SLC36A1: variants seen among roughly 807,000 people sequenced by gnomAD.
The protein encoded by SLC36A1 is solute carrier family 36 member 1.
In SLC36A1, 30 loss-of-function variants were observed where a neutral mutation model predicts 47.5. That is an observed-to-expected ratio of 0.63 (90% confidence interval 0.47 to 0.86). The LOEUF is 0.86. SLC36A1 is among the 40% of genes least tolerant of loss of function. The pLI is 0.00. For missense variants in SLC36A1, 517 were observed against 606.0 expected (o/e 0.85, Z 1.54); for synonymous variants, 255 against 249.7 (o/e 1.02, Z -0.20).
the SLC36A1 span, chr5:151,543,662 C>G: frequency 6.2e-7 from 1 of 1,614,204 alleles, no homozygotes; most frequent in South Asian, 1.1e-5. Context: ...TCTGCTAATT[C>G]TGCCTCATAA....
At chr5:151,432,426 T>A (rs1482699631), upstream of SLC36A1, among the ~76,000 whole-genome samples, 1 of 152,158 alleles carries the variant, frequency 6.6e-6, no homozygotes, top group East Asian at 1.9e-4. Flanking sequence ...CTGCTGTTTT[T>A]GCAGGCCTCT....
chr5:151,534,970 AATATAT>A, the SLC36A1 span, among the ~76,000 whole-genome samples: 3,977 of 106,416 alleles, frequency 0.037, 251 homozygotes, highest in Admixed American at 0.084. Context: ...CTTCTAGGAA[AATATAT>A]ATATATATAT....
chr5:151,409,233 CAA>C, the SLC36A1 span, among the ~76,000 whole-genome samples: 1 of 152,050 alleles, frequency 6.6e-6, no homozygotes, highest in African/African-American at 2.4e-5. Context: ...CTCCTGGGCT[CAA>C]ATGATCCACC....
At chr5:151,534,600 T>C in the SLC36A1 span, 1 of 1,613,962 alleles carries the variant, frequency 6.2e-7, no homozygotes, top group Non-Finnish European at 8.5e-7. Flanking sequence ...GTTGAACACA[T>C]CCTTCCTTTC....
the SLC36A1 span, among the ~76,000 whole-genome samples, chr5:151,408,982 C>T: frequency 4.8e-5 from 7 of 144,768 alleles, no homozygotes; most frequent in African/African-American, 2.6e-5. Flanking sequence ...TTTTTTTTTT[C>T]TTTTCTTTTC....
At chr5:151,417,724 T>C in the SLC36A1 span, among the ~76,000 whole-genome samples, 2 of 152,216 alleles carry the variant, frequency 1.3e-5, no homozygotes, top group Admixed American at 6.5e-5. Flanking sequence ...TCAGAAAATT[T>C]GCAACATGAC....
In SLC36A1 at chr5:151,463,660, G is replaced by C; in HGVS notation, c.234+17G>C. The C allele has an allele frequency of 6.3e-7, 1 of 1,598,080 alleles. No homozygotes were observed. Among genetic ancestry groups the C allele is most frequent in the Non-Finnish European group, 8.6e-7 (1 of 1,165,580 alleles). On this transcript the variant is annotated intron_variant, in intron 3 of 10. Coordinates refer to ENST00000243389, the MANE Select transcript of SLC36A1 (RefSeq NM_078483.4). The stretch of plus-strand genomic sequence containing the variant: ...GGCATCGTGGTAAGGGTCTGCATCA[G>C]TGGAGAGGAGTGGTGACAAATTTTA...
At chr5:151,481,009 A>G (rs1016924935) in intron 10 of SLC36A1, among the ~76,000 whole-genome samples, 1 of 152,174 alleles carries the variant, frequency 6.6e-6, no homozygotes, top group Non-Finnish European at 1.5e-5. Flanking sequence ...CTCCCTGCCC[A>G]ATTTTCCCCT....
chr5:151,517,605 C>T, the SLC36A1 span: 2 of 1,613,668 alleles, frequency 1.2e-6, no homozygotes, highest in Non-Finnish European at 8.5e-7. Context: ...ATCTCTCAGG[C>T]TGGCAGTGCC....
chr5:151,397,161 T>C, the SLC36A1 span, among the ~76,000 whole-genome samples: 1 of 152,200 alleles, frequency 6.6e-6, no homozygotes, highest in African/African-American at 2.4e-5. Context: ...CTGCACATGA[T>C]CGTTATACCA....
chr5:151,497,779 A>G, the SLC36A1 span, among the ~76,000 whole-genome samples: 1 of 152,100 alleles, frequency 6.6e-6, no homozygotes, highest in African/African-American at 2.4e-5. Context: ...ACTAGATGTC[A>G]GTTGCACCCT....
At chr5:151,365,076 G>A in the SLC36A1 span, among the ~76,000 whole-genome samples, 1 of 152,136 alleles carries the variant, frequency 6.6e-6, no homozygotes, top group Non-Finnish European at 1.5e-5. Context: ...CCTGGAGTTG[G>A]GGTAGAGTCT....
chr5:151,539,696 A>G, the SLC36A1 span, among the ~76,000 whole-genome samples: 358 of 152,354 alleles, frequency 2.3e-3, 2 homozygotes, highest in African/African-American at 8.2e-3. Flanking sequence ...CCCAAAGTTA[A>G]AAACTACTTA....
the SLC36A1 span, chr5:151,510,275 A>G: frequency 7.4e-7 from 1 of 1,350,144 alleles, no homozygotes; most frequent in Non-Finnish European, 1.0e-6. Context: ...TTCAGTTACC[A>G]TTTATTTATT....
chr5:151,429,998 G>A, the SLC36A1 span, among the ~76,000 whole-genome samples: 4 of 152,096 alleles, frequency 2.6e-5, no homozygotes, highest in African/African-American at 9.7e-5. Context: ...GATTGATATA[G>A]AAGATCCCTT....
chr5:151,469,900 T>C (rs1757079532), intron 7 of SLC36A1, among the ~76,000 whole-genome samples: 1 of 152,112 alleles, frequency 6.6e-6, no homozygotes, highest in Non-Finnish European at 1.5e-5. Context: ...AGTCACCCAC[T>C]GATATAGTTT....
the SLC36A1 span, among the ~76,000 whole-genome samples, chr5:151,349,811 T>G: frequency 6.6e-6 from 1 of 152,198 alleles, no homozygotes; most frequent in Non-Finnish European, 1.5e-5. Context: ...TCAAAGCATC[T>G]GAAGAGATAA....
At chr5:151,551,383 A>T in the SLC36A1 span, 3 of 1,442,380 alleles carry the variant, frequency 2.1e-6, no homozygotes, top group Admixed American at 6.0e-5. Flanking sequence ...CACCACATCC[A>T]CAGAAAACCT....
the SLC36A1 span, chr5:151,537,718 A>G: frequency 7.1e-7 from 1 of 1,406,578 alleles, no homozygotes; most frequent in Non-Finnish European, 9.7e-7. Context: ...TTCTCCAAGG[A>G]GAATACCATG....
Sources: gnomAD v4.1 joint callset for allele counts (sites outside exome capture counted in the v4.1 genomes callset) on GRCh38, gnomAD v4.1.1 for gene constraint, MANE v1.5 for transcripts, NCBI Gene and HGNC (gene_info 2026-07-23, HGNC 2026-07-21) for gene names.